SS18: variants seen among roughly 807,000 people sequenced by gnomAD.
The protein encoded by SS18 is protein SSXT.
A neutral mutation model predicts 72.5 loss-of-function variants in SS18; 28 were observed. The ratio of observed to expected loss-of-function variants is 0.39; its 90% confidence interval spans 0.29 to 0.53. SS18 has a LOEUF of 0.53. Ranked by LOEUF, SS18 falls within the 20% of genes least tolerant of loss-of-function variation. The probability of loss-of-function intolerance (pLI) is 0.76; values close to 1 mark genes in which losing one functional copy is unlikely to be tolerated. For synonymous variants in SS18, 172 were observed against 164.2 expected, an observed-to-expected ratio of 1.05 and a Z score of -0.37; for missense variants, 518 against 535.3, an observed-to-expected ratio of 0.97 and a Z score of 0.32.
At chr18:26,033,832 CCT>C (rs1247786292) in intron 9 of SS18, among the ~76,000 whole-genome samples, 1 of 151,976 alleles carries the variant, frequency 6.6e-6, no homozygotes, top group African/African-American at 2.4e-5. Flanking sequence ...TTTCTTTCAC[CCT>C]CTCTTACCAT....
intron 3 of SS18, among the ~76,000 whole-genome samples, chr18:26,066,951 G>C (rs1021207088): frequency 9.9e-5 from 15 of 152,082 alleles, no homozygotes; most frequent in African/African-American, 3.6e-4. Context: ...TAAAACAGCA[G>C]GTTATACTGT....
intron 4 of SS18, 28 bp from the exon 5 acceptor site, chr18:26,052,873 A>C (rs936093928): frequency 6.3e-7 from 1 of 1,593,550 alleles, no homozygotes; most frequent in African/African-American, 1.3e-5. Flanking sequence ...CAGAAGCAAA[A>C]TATGAAAGTT....
intron 1 of SS18, chr18:26,090,008 C>A (rs778724155): frequency 1.5e-4 from 24 of 162,710 alleles, no homozygotes; most frequent in Admixed American, 1.2e-3. Context: ...AGTCCTCCTG[C>A]GAGCTCCCAA....
intron 2 of SS18, among the ~76,000 whole-genome samples, chr18:26,083,210 G>T (rs953611083): frequency 1.3e-5 from 2 of 152,076 alleles, no homozygotes; most frequent in Admixed American, 6.6e-5. Flanking sequence ...CCAAGTATAT[G>T]TGAGAAAATG....
chr18:26,064,269 A>G (rs1031892763), intron 3 of SS18, among the ~76,000 whole-genome samples: 1 of 152,164 alleles, frequency 6.6e-6, no homozygotes, highest in African/African-American at 2.4e-5. Context: ...CCAGAAAACA[A>G]AAAGAAGGGC....
chr18:26,043,868 C>T (rs2053772970), intron 5 of SS18, among the ~76,000 whole-genome samples: 1 of 152,148 alleles, frequency 6.6e-6, no homozygotes, highest in African/African-American at 2.4e-5. Flanking sequence ...TCTTTCATAA[C>T]ATTAGAACTT....
chr18:26,065,969 A>C (rs1224181371), intron 3 of SS18, among the ~76,000 whole-genome samples: 1 of 151,776 alleles, frequency 6.6e-6, no homozygotes, highest in African/African-American at 2.4e-5. Context: ...GGATTTGTCA[A>C]AACTAATCTA....
intron 5 of SS18, 92 bp from the exon 6 acceptor site, chr18:26,039,548 A>C: frequency 8.7e-7 from 1 of 1,146,012 alleles, no homozygotes; most frequent in Non-Finnish European, 1.2e-6. Flanking sequence ...ATATAGTCCC[A>C]AAAATATATA....
chr18:26,024,390 T>C (rs2053409665), intron 10 of SS18, among the ~76,000 whole-genome samples: 1 of 152,150 alleles, frequency 6.6e-6, no homozygotes, highest in South Asian at 2.1e-4. Context: ...AGTGACACAA[T>C]CACAACTTAC....
chr18:26,019,362 CACA>C (rs1486233548), intron 10 of SS18, among the ~76,000 whole-genome samples: 3 of 152,286 alleles, frequency 2.0e-5, no homozygotes, highest in Non-Finnish European at 2.9e-5. Flanking sequence ...CTCTCCACGT[CACA>C]ACAATATAAC....
chr18:26,084,284 A>C (rs886090965), intron 2 of SS18: 1 of 152,224 alleles, frequency 6.6e-6, no homozygotes, highest in African/African-American at 2.4e-5. Context: ...ATGAAGGAAT[A>C]GGAAAAGAAC....
At chr18:26,076,071 T>C (rs749045682) in intron 3 of SS18, among the ~76,000 whole-genome samples, 2 of 151,842 alleles carry the variant, frequency 1.3e-5, no homozygotes, top group Admixed American at 6.6e-5. Context: ...ATTAAAGAAC[T>C]AAATAAATGA....
chr18:26,046,188 T>A (rs1598559576), intron 5 of SS18, among the ~76,000 whole-genome samples: 1 of 88,398 alleles, frequency 1.1e-5, no homozygotes, highest in Non-Finnish European at 1.9e-5. Flanking sequence ...GAAGACTCCG[T>A]CTCAAAAAAA....
intron 5 of SS18, among the ~76,000 whole-genome samples, chr18:26,044,817 T>C (rs761900935): frequency 1.7e-4 from 26 of 151,952 alleles, no homozygotes; most frequent in Non-Finnish European, 3.2e-4. Flanking sequence ...ATCAACCACA[T>C]GGACAAGCGA....
Position 26,052,686 on chromosome 18 carries a change from C to T in SS18, c.545G>A (p.Ser182Asn). The T allele has an allele frequency of 6.2e-7, 1 of 1,614,156 alleles. No homozygotes were observed. The highest frequency in any genetic ancestry group is 1.6e-4 in the Middle Eastern group (1 of 6,062). Residue 182 changes from serine (S) to asparagine (N), a missense_variant, in exon 5 of 11, where the codon AGT becomes AAT. By Grantham distance (46) the Ser-to-Asn change is conservative. Coordinates refer to ENST00000415083, the MANE Select transcript of SS18 (RefSeq NM_001007559.3). ...ATAGTTTCCCATTGGTTGTCCCTGA[C>T]TCATTGTCATCTGATTCTGTACTGG... ...SMPVQNQMTM[S>N]QGQPMGNYGP...
intron 4 of SS18, among the ~76,000 whole-genome samples, chr18:26,055,616 G>C (rs2054003996): frequency 6.6e-6 from 1 of 152,110 alleles, no homozygotes; most frequent in Admixed American, 6.6e-5. Context: ...AAACAGCCAA[G>C]ATGCAAATTT....
chr18:26,024,768 A>C (rs2053416953), intron 10 of SS18, among the ~76,000 whole-genome samples: 1 of 152,134 alleles, frequency 6.6e-6, no homozygotes, highest in South Asian at 2.1e-4. Context: ...GAGAACAAAA[A>C]CCAGATGTGA....
At chr18:26,023,892 AT>A (rs2053398282) in intron 10 of SS18, among the ~76,000 whole-genome samples, 2 of 151,348 alleles carry the variant, frequency 1.3e-5, no homozygotes, top group Admixed American at 6.6e-5. Context: ...TTAGACAAAA[AT>A]AAATTCAATA....
chr18:26,050,439 GAAT>G (rs1215927670), intron 5 of SS18, among the ~76,000 whole-genome samples: 2 of 151,702 alleles, frequency 1.3e-5, no homozygotes, highest in Non-Finnish European at 1.5e-5. Context: ...ATAATGAAAT[GAAT>G]ATTAAAACTT....
Sources: gnomAD v4.1 joint callset for allele counts (sites outside exome capture counted in the v4.1 genomes callset) on GRCh38, gnomAD v4.1.1 for gene constraint, MANE v1.5 for transcripts, NCBI Gene and HGNC (gene_info 2026-07-23, HGNC 2026-07-21) for gene names.